Variants in KLF6 observed in about 807,000 individuals in gnomAD.
KLF6 encodes the protein Krueppel-like factor 6.
For synonymous variants in KLF6, 152 were observed against 147.9 expected (o/e 1.03, Z -0.20); for missense variants, 233 against 359.8 (o/e 0.65, Z 2.85).
Position 3,781,630 on chromosome 10 carries a change from T to G in KLF6, c.676+11A>C, listed in dbSNP as rs766167230. The G allele has an allele frequency of 6.2e-7, 1 of 1,612,418 alleles. No homozygotes were observed. Among genetic ancestry groups the G allele is most frequent in the East Asian group, 2.2e-5 (1 of 44,838 alleles). On this transcript the variant is annotated intron_variant, in intron 2 of 3. Transcript: ENST00000497571. The surrounding 1 kb of genome is among the most constrained non-coding windows in gnomAD (Gnocchi z 5.8). ...CAGCGGCCGCCCTCCGGGGCCCGCG[T>G]GGGCACTGACCTGTGTGCGTCCGCT...
Position 3,781,228 on chromosome 10 carries a change from C to A in KLF6, c.676+413G>T. 1 of 491,428 alleles carries A rather than the reference C, an allele frequency of 2.0e-6. No individual in the cohort carries two copies. Among genetic ancestry groups the A allele is most frequent in the South Asian group, 3.3e-5 (1 of 30,118 alleles). 30.4% of individuals were successfully genotyped at this position (491,428 alleles called of 1,614,324 possible). Reference sequence around the variant, plus strand: ...GGGCCGTCAGCATCAAACCCACACACTCCACGCTGCCCAGCAACCCTCTGT... The same window carrying A: ...GGGCCGTCAGCATCAAACCCACACAATCCACGCTGCCCAGCAACCCTCTGT... On this transcript the variant is annotated intron_variant, in intron 2 of 3. Coordinates refer to ENST00000497571, the MANE Select transcript of KLF6 (RefSeq NM_001300.6). The surrounding 1 kb of genome is among the most constrained non-coding windows in gnomAD (Gnocchi z 5.8).
chr10:3,782,046 TGA>T lies in KLF6; in HGVS notation c.269_270del (p.Leu90HisfsTer24), dbSNP rs753495842. 6.2e-7 allele frequency: 1 copy of T among 1,613,914 alleles called. No homozygotes were observed. Among genetic ancestry groups the T allele is most frequent in the Non-Finnish European group, 8.5e-7 (1 of 1,179,750 alleles). ...KISSSPPEDTLISPSFCYNLE... is the reference protein window; with the variant it reads ...KISSSPPEDTXISPSFCYNLE... ...AAGTTGTAACAAAAGCTCGGGCTGA[TGA>T]GAGTGTCCTCTGGAGGACTGGAAGA... On this transcript the variant is annotated frameshift_variant, in exon 2 of 4. Transcript: ENST00000497571. LOFTEE classifies it high-confidence loss of function. The surrounding 1 kb of genome is among the most constrained non-coding windows in gnomAD (Gnocchi z 4.3).
chr10:3,783,491 C>T (rs1482773623), intron 1 of KLF6, among the ~76,000 whole-genome samples: 1 of 152,094 alleles, frequency 6.6e-6, no homozygotes, highest in Non-Finnish European at 1.5e-5. Flanking sequence ...GGGGCTCAGG[C>T]TGACTTAGCA....
At chr10:3,784,110 A>T (rs1028009011) in intron 1 of KLF6, among the ~76,000 whole-genome samples, 1 of 152,214 alleles carries the variant, frequency 6.6e-6, no homozygotes, top group African/African-American at 2.4e-5. Flanking sequence ...GGGAGACAAC[A>T]GTAAACCCTC....
Position 3,785,152 on chromosome 10 carries a change from T to G in KLF6, c.-138A>C. 1 of 1,511,684 alleles carries G rather than the reference T, an allele frequency of 6.6e-7. No individual in the cohort carries two copies. The highest frequency in any genetic ancestry group is 8.9e-7 in the Non-Finnish European group (1 of 1,122,008). The allele number at this position is 1,511,684 out of a possible 1,614,324, so 93.6% of individuals were successfully genotyped here. A position where few individuals can be genotyped will look rare whatever the true frequency, so the allele number is the denominator to read the frequency against. ...CTCGCAGAGACGCCCGGCCGGACCC[T>G]CCCGCAGCCCGCAGCGCGCGGAGCC... is the stretch of plus-strand genomic sequence containing the variant. On this transcript the variant is annotated 5_prime_UTR_variant, in exon 1 of 4. Transcript: ENST00000497571.
At position 3,778,625 on chromosome 10, in the gene KLF6, A is replaced by G. The variant is rs1310889263; in HGVS notation, c.*914T>C. ...GGGGAGTGTTACAAACTTGGAGGGG[A>G]AAAAAAATTGTATATTGCCAGGCCC... On this transcript the variant is annotated 3_prime_UTR_variant, in exon 4 of 4. Transcript: ENST00000497571. The G allele has an allele frequency of 5.9e-6, 3 of 506,972 alleles. No homozygotes were observed. Among genetic ancestry groups the G allele is most frequent in the Non-Finnish European group, 1.2e-5 (3 of 260,646 alleles). The allele number at this position is 506,972 out of a possible 1,614,324, so 31.4% of individuals were successfully genotyped here. A position where few individuals can be genotyped will look rare whatever the true frequency, so the allele number is the denominator to read the frequency against.
rs1378727471 is a variant in KLF6 at position 3,777,395 on chromosome 10, T to C, written c.*2144A>G. 1 of 511,394 alleles carries C rather than the reference T, an allele frequency of 2.0e-6. No individual in the cohort carries two copies. Among genetic ancestry groups the C allele is most frequent in the Admixed American group, 2.3e-5 (1 of 44,256 alleles). 31.7% of individuals were successfully genotyped at this position (511,394 alleles called of 1,614,324 possible). On this transcript the variant is annotated 3_prime_UTR_variant, in exon 4 of 4. Coordinates refer to ENST00000497571, the MANE Select transcript of KLF6 (RefSeq NM_001300.6). ...AAAGTGTTCTACAAAAGAATCCCTG[T>C]GGTTAGCTTACTCTTAGGTTAGATC...
In KLF6 at chr10:3,782,692, G is replaced by A. The variant is rs567234859; in HGVS notation, c.103-478C>T. 6.2e-4 allele frequency among the ~76,000 whole-genome samples: 95 copies of A among 152,192 alleles called. No homozygotes were observed. Among genetic ancestry groups the A allele is most frequent in the Non-Finnish European group, 1.1e-3 (75 of 68,032 alleles). Reference sequence around the variant, plus strand: ...CCCACACAGGACAGAAAGACTGCACGGCACACAGCGTGTTCTGAGGGACCC... The same window carrying A: ...CCCACACAGGACAGAAAGACTGCACAGCACACAGCGTGTTCTGAGGGACCC... On this transcript the variant is annotated intron_variant, in intron 1 of 3. Transcript: ENST00000497571. The surrounding 1 kb of genome is among the most constrained non-coding windows in gnomAD (Gnocchi z 4.3).
Position 3,776,438 on chromosome 10 carries a change from T to A in KLF6, c.*3101A>T, listed in dbSNP as rs1293118864. On this transcript the variant is annotated 3_prime_UTR_variant, in exon 4 of 4. Coordinates refer to ENST00000497571, the MANE Select transcript of KLF6 (RefSeq NM_001300.6). ...GAGGAAGGGGCTGAGGTCGGTGAGTTGTTCTCAGGGTTGCTCAATGAAGAT... is the reference window on the plus strand; with the variant it reads ...GAGGAAGGGGCTGAGGTCGGTGAGTAGTTCTCAGGGTTGCTCAATGAAGAT... 1.9e-6 allele frequency: 1 copy of A among 531,968 alleles called. No homozygotes were observed. The highest frequency in any genetic ancestry group is 3.6e-6 in the Non-Finnish European group (1 of 275,048). The allele number at this position is 531,968 out of a possible 1,614,324, so 33.0% of individuals were successfully genotyped here. A position where few individuals can be genotyped will look rare whatever the true frequency, so the allele number is the denominator to read the frequency against.
rs1031333951 is a variant in KLF6 at position 3,781,291 on chromosome 10, G to A, written c.676+350C>T. 14 of 826,736 alleles carry A rather than the reference G, an allele frequency of 1.7e-5. No homozygotes were observed. Among genetic ancestry groups the A allele is most frequent in the African/African-American group, 5.2e-5 (3 of 58,196 alleles). 51.2% of individuals were successfully genotyped at this position (826,736 alleles called of 1,614,324 possible). A position where few individuals can be genotyped will look rare whatever the true frequency, so the allele number is the denominator to read the frequency against. Reference sequence around the variant, plus strand: ...GTTTCATTTAGGAAACCCCAGGGCCGCTCGAGGTAGCCTCGTGCGAGTGCA... The same window carrying A: ...GTTTCATTTAGGAAACCCCAGGGCCACTCGAGGTAGCCTCGTGCGAGTGCA... On this transcript the variant is annotated intron_variant, in intron 2 of 3. Coordinates refer to ENST00000497571, the MANE Select transcript of KLF6 (RefSeq NM_001300.6). This position sits in a 1 kb window ranked among gnomAD's most constrained non-coding sequence, Gnocchi z 5.8.
chr10:3,784,338 T>G (rs183097979), intron 1 of KLF6, among the ~76,000 whole-genome samples: 2 of 152,082 alleles, frequency 1.3e-5, no homozygotes, highest in African/African-American at 4.8e-5. Flanking sequence ...CACTGGGGTG[T>G]ACACAGTTTT....
rs1325445908 is a variant in KLF6 at position 3,780,358 on chromosome 10, CACA to C, written c.677-132_677-130del. On this transcript the variant is annotated intron_variant, in intron 2 of 3. Transcript: ENST00000497571. This position sits in a 1 kb window ranked among gnomAD's most constrained non-coding sequence, Gnocchi z 4.6. ...CCAGTGGCTTCTGGCATCGGTAACA[CACA>C]ACAACTGGCAGCCTCAGAGAGACAA... 12 of 1,088,168 alleles carry C rather than the reference CACA, an allele frequency of 1.1e-5. No individual in the cohort carries two copies. Among genetic ancestry groups the C allele is most frequent in the African/African-American group, 1.5e-5 (1 of 65,010 alleles). 67.4% of individuals were successfully genotyped at this position (1,088,168 alleles called of 1,614,324 possible).
In KLF6 at chr10:3,778,101, G is replaced by C. The variant is rs542444294; in HGVS notation, c.*1438C>G. 1 of 516,828 alleles carries C rather than the reference G, an allele frequency of 1.9e-6. No homozygotes were observed. Among genetic ancestry groups the C allele is most frequent in the South Asian group, 1.5e-5 (1 of 65,034 alleles). The allele number at this position is 516,828 out of a possible 1,614,324, so 32.0% of individuals were successfully genotyped here. ...AACACTGACAGTCAAGTTGCCTAAA[G>C]TGTTGAACAAATACTGACATGTAAA... On this transcript the variant is annotated 3_prime_UTR_variant, in exon 4 of 4. Transcript: ENST00000497571.
chr10:3,783,062 A>G (rs541650711), intron 1 of KLF6, among the ~76,000 whole-genome samples: 2 of 152,318 alleles, frequency 1.3e-5, no homozygotes, highest in Admixed American at 6.5e-5. Context: ...ACTGGCCAAG[A>G]GTACAACTGC....
rs1234328176 is a variant in KLF6 at position 3,776,014 on chromosome 10, T to G, written c.*3525A>C. On this transcript the variant is annotated 3_prime_UTR_variant, in exon 4 of 4. Coordinates refer to ENST00000497571, the MANE Select transcript of KLF6 (RefSeq NM_001300.6). ...ACTCCTCTGGCAGTGATGTCATCTTTTATTTTCTGCCCTCCTTGACTGAGA... is the reference window on the plus strand; with the variant it reads ...ACTCCTCTGGCAGTGATGTCATCTTGTATTTTCTGCCCTCCTTGACTGAGA... 2.1e-6 allele frequency: 1 copy of G among 475,896 alleles called. No individual in the cohort carries two copies. The highest frequency in any genetic ancestry group is 4.2e-6 in the Non-Finnish European group (1 of 238,938). 29.5% of individuals were successfully genotyped at this position (475,896 alleles called of 1,614,324 possible).
In KLF6 at chr10:3,777,851, TG is replaced by T; in HGVS notation, c.*1687del. 2.1e-6 allele frequency: 1 copy of T among 484,746 alleles called. No homozygotes were observed. Among genetic ancestry groups the T allele is most frequent in the Non-Finnish European group, 4.1e-6 (1 of 245,888 alleles). The allele number at this position is 484,746 out of a possible 1,614,324, so 30.0% of individuals were successfully genotyped here. On this transcript the variant is annotated 3_prime_UTR_variant, in exon 4 of 4. Transcript: ENST00000497571. ...TTTTTTAAAAAAGTAGTATACTTTC[TG>T]TATTACCAACAGATAGCTAGACAGA... is the stretch of plus-strand genomic sequence containing the variant.
intron 1 of KLF6, among the ~76,000 whole-genome samples, chr10:3,784,165 C>T (rs1044021097): frequency 6.6e-6 from 1 of 152,106 alleles, no homozygotes; most frequent in Non-Finnish European, 1.5e-5. Flanking sequence ...AGTCTCTCTC[C>T]CCTCGGGCGA....
Position 3,781,146 on chromosome 10 carries a change from A to C in KLF6, c.676+495T>G, listed in dbSNP as rs191742241. Reference sequence around the variant, plus strand: ...CATGAGACACGGAGAAGTTCTCAGGAAACACTCGCTGATCAATGCTGCTGC... The same window carrying C: ...CATGAGACACGGAGAAGTTCTCAGGCAACACTCGCTGATCAATGCTGCTGC... On this transcript the variant is annotated intron_variant, in intron 2 of 3. Coordinates refer to ENST00000497571, the MANE Select transcript of KLF6 (RefSeq NM_001300.6). The surrounding 1 kb of genome is among the most constrained non-coding windows in gnomAD (Gnocchi z 5.8). 9.1e-4 allele frequency: 225 copies of C among 248,536 alleles called. No homozygotes were observed. Among genetic ancestry groups the C allele is most frequent in the African/African-American group, 4.7e-3 (210 of 44,774 alleles). The allele number at this position is 248,536 out of a possible 1,614,324, so 15.4% of individuals were successfully genotyped here.
chr10:3,779,695 C>A, intron 3 of KLF6, 105 bp from the exon 4 acceptor site: 1 of 1,029,216 alleles, frequency 9.7e-7, no homozygotes, highest in Admixed American at 1.9e-5. Flanking sequence ...TAACCCCCTG[C>A]AGGGAAAGGT....
Sources: allele counts gnomAD v4.1 joint callset (sites outside exome capture counted in the v4.1 genomes callset), GRCh38; gene constraint gnomAD v4.1.1; non-coding constraint Gnocchi (gnomAD v3.1); transcripts MANE v1.5; gene names NCBI Gene and HGNC (gene_info 2026-07-23, HGNC 2026-07-21).